SCRG1: variants seen among roughly 807,000 people sequenced by gnomAD.
SCRG1 encodes the protein scrapie-responsive protein 1.
A neutral mutation model predicts 7.7 loss-of-function variants in SCRG1; 3 were observed. The observed-to-expected ratio is 0.39, with a 90% confidence interval of 0.18 to 1.01. The LOEUF (loss-of-function observed/expected upper bound fraction) is 1.01. SCRG1 is among the 50% of genes least tolerant of loss of function. SCRG1 has a pLI of 0.36. For synonymous variants in SCRG1, 46 were observed against 41.2 expected, an observed-to-expected ratio of 1.12 and a Z score of -0.44; for missense variants, 110 against 117.2, an observed-to-expected ratio of 0.94 and a Z score of 0.28.
chr4:173,393,505 C>A (rs1483440150), intron 1 of SCRG1, among the ~76,000 whole-genome samples: 1 of 152,056 alleles, frequency 6.6e-6, no homozygotes, highest in Admixed American at 6.6e-5. Context: ...TTCCAATGGG[C>A]TTTTTGTAGG....
At chr4:173,485,583 G>C in the SCRG1 span, among the ~76,000 whole-genome samples, 1 of 152,170 alleles carries the variant, frequency 6.6e-6, no homozygotes, top group South Asian at 2.1e-4. Context: ...GCGATAGTTT[G>C]TTATACCATA....
the SCRG1 span, among the ~76,000 whole-genome samples, chr4:173,461,584 C>T: frequency 6.6e-5 from 10 of 152,156 alleles, no homozygotes; most frequent in South Asian, 2.1e-4. Flanking sequence ...AGCCTTGCTA[C>T]GAAAGACAGC....
the SCRG1 span, among the ~76,000 whole-genome samples, chr4:173,494,151 C>T: frequency 2.0e-5 from 3 of 152,156 alleles, no homozygotes; most frequent in Non-Finnish European, 2.9e-5. Flanking sequence ...CACAGGGAGA[C>T]ATGACCCTGC....
At chr4:173,408,709 G>C (rs2126926487), upstream of SCRG1, among the ~76,000 whole-genome samples, 1 of 152,242 alleles carries the variant, frequency 6.6e-6, no homozygotes, top group East Asian at 1.9e-4. Context: ...AAATTAATGA[G>C]TCTGCTAGGC....
the SCRG1 span, chr4:173,469,910 C>T: frequency 1.3e-5 from 2 of 152,230 alleles, 1 homozygote; most frequent in Admixed American, 1.3e-4. Flanking sequence ...TTGTAGCTAG[C>T]CAGGCTCTGA....
At chr4:173,483,630 G>C in the SCRG1 span, among the ~76,000 whole-genome samples, 1 of 37,122 alleles carries the variant, frequency 2.7e-5, no homozygotes, top group African/African-American at 8.1e-5. Flanking sequence ...ATTATATTGT[G>C]ATATATAATA....
At chr4:173,390,896 A>G (rs961990146) in intron 2 of SCRG1, among the ~76,000 whole-genome samples, 1 of 152,200 alleles carries the variant, frequency 6.6e-6, no homozygotes, top group African/African-American at 2.4e-5. Flanking sequence ...TTGGGGGGGT[A>G]AAAATCAGAT....
At chr4:173,436,921 A>T in the SCRG1 span, among the ~76,000 whole-genome samples, 2 of 152,148 alleles carry the variant, frequency 1.3e-5, no homozygotes, top group Non-Finnish European at 2.9e-5. Flanking sequence ...TCATTTAAGC[A>T]TCTCCCCAGA....
chr4:173,401,207 G>T (rs866248544), upstream of SCRG1, among the ~76,000 whole-genome samples: 33 of 152,330 alleles, frequency 2.2e-4, no homozygotes, highest in African/African-American at 7.0e-4. Context: ...CTCAGGAAGG[G>T]AGATGAGAGG....
At chr4:173,414,622 T>G in the SCRG1 span, among the ~76,000 whole-genome samples, 1 of 152,208 alleles carries the variant, frequency 6.6e-6, no homozygotes, top group Admixed American at 6.5e-5. Flanking sequence ...TGGCTTAGGT[T>G]AAATGAAGAA....
chr4:173,417,423 C>T, the SCRG1 span, among the ~76,000 whole-genome samples: 2 of 152,084 alleles, frequency 1.3e-5, no homozygotes, highest in Admixed American at 1.3e-4. Context: ...GCCCCAGTTG[C>T]CCCCTAAGCC....
chr4:173,416,702 T>TC, the SCRG1 span, among the ~76,000 whole-genome samples: 5 of 152,156 alleles, frequency 3.3e-5, no homozygotes, highest in Non-Finnish European at 7.4e-5. Context: ...TCTGGGGCTA[T>TC]CCCCCGGCTC....
chr4:173,435,118 ATGTGTGTGTGTGTGTGTGTG>A, the SCRG1 span, among the ~76,000 whole-genome samples: 9 of 151,266 alleles, frequency 5.9e-5, no homozygotes, highest in Non-Finnish European at 1.2e-4. Flanking sequence ...ATATATATCT[ATGTGTGTGTGTGTGTGTGTG>A]TGTGTGTGTG....
upstream of SCRG1, among the ~76,000 whole-genome samples, chr4:173,403,916 T>A (rs1445750558): frequency 6.6e-6 from 1 of 152,180 alleles, no homozygotes; most frequent in Non-Finnish European, 1.5e-5. Flanking sequence ...ATTGCCCTAA[T>A]CTTCTCAAAG....
At chr4:173,417,037 A>G in the SCRG1 span, among the ~76,000 whole-genome samples, 1 of 150,996 alleles carries the variant, frequency 6.6e-6, no homozygotes. Flanking sequence ...ACATCTTCAC[A>G]CACACCCCAC....
chr4:173,512,495 C>T, the SCRG1 span, among the ~76,000 whole-genome samples: 2 of 152,192 alleles, frequency 1.3e-5, no homozygotes, highest in Admixed American at 6.5e-5. Flanking sequence ...CAAGTGCACA[C>T]GCAGAGAAAG....
the SCRG1 span, among the ~76,000 whole-genome samples, chr4:173,510,273 G>C: frequency 6.6e-6 from 1 of 152,200 alleles, no homozygotes; most frequent in East Asian, 1.9e-4. This position sits in a 1 kb window ranked among gnomAD's most constrained non-coding sequence, Gnocchi z 5.7. Flanking sequence ...GATGGCGTGT[G>C]GGGGCTGTGG....
the SCRG1 span, among the ~76,000 whole-genome samples, chr4:173,454,497 T>G: frequency 6.6e-6 from 1 of 152,216 alleles, no homozygotes; most frequent in Non-Finnish European, 1.5e-5. Flanking sequence ...TTACTCAATT[T>G]TATTTTCTTC....
chr4:173,403,361 G>A (rs993143716), upstream of SCRG1: 3 of 152,140 alleles, frequency 2.0e-5, no homozygotes, highest in Non-Finnish European at 4.4e-5. Context: ...GGGCAACCCT[G>A]GCTATAATGG....
Sources: allele counts gnomAD v4.1 joint callset (sites outside exome capture counted in the v4.1 genomes callset), GRCh38; gene constraint gnomAD v4.1.1; non-coding constraint Gnocchi (gnomAD v3.1); transcripts MANE v1.5; gene names NCBI Gene and HGNC (gene_info 2026-07-23, HGNC 2026-07-21).